The following ANXA4 variants were observed in gnomAD, a reference collection of about 807,000 sequenced individuals.
ANXA4 encodes annexin A4, also known as 35-beta calcimedin.
In ANXA4, 39 loss-of-function variants were observed where a neutral mutation model predicts 49.8. The observed-to-expected ratio is 0.78, with a 90% CI of 0.61 to 1.02. ANXA4 has a LOEUF of 1.02. ANXA4 is among the 50% of genes least tolerant of loss of function. ANXA4 has a pLI of 0.00. For synonymous variants in ANXA4, 134 were observed against 152.5 expected, an observed-to-expected ratio of 0.88 and a Z score of 0.89; for missense variants, 360 against 410.1, an observed-to-expected ratio of 0.88 and a Z score of 1.05.
intron 2 of ANXA4, among the ~76,000 whole-genome samples, chr2:69,784,700 A>G (rs533907048): frequency 4.7e-4 from 72 of 152,352 alleles, no homozygotes; most frequent in Non-Finnish European, 6.9e-4. Flanking sequence ...GAGGCCAGAA[A>G]TCCAAAGCAA....
chr2:69,746,913 A>T (rs1045451036), intron 1 of ANXA4, among the ~76,000 whole-genome samples: 1 of 152,056 alleles, frequency 6.6e-6, no homozygotes, highest in East Asian at 1.9e-4. Flanking sequence ...TGGGAGGATC[A>T]CTGGAGCCCA....
chr2:69,697,834 A>T (rs1446785189), intron 2 of ANXA4, among the ~76,000 whole-genome samples: 2 of 152,032 alleles, frequency 1.3e-5, no homozygotes, highest in Admixed American at 1.3e-4. Flanking sequence ...AACATCAAAG[A>T]TACCTGGGGC....
rs1670029236 is a variant in ANXA4 at position 69,728,903 on chromosome 2, TTGA to T, written n.864+8036_864+8038del. Among the ~76,000 whole-genome samples, 3 of 152,240 alleles carry T rather than the reference TTGA, an allele frequency of 2.0e-5. No individual in the cohort carries two copies. In the South Asian group the frequency reaches 6.2e-4, roughly 32 times the overall value. On this transcript the variant is annotated intron_variant and non_coding_transcript_variant, in intron 3 of 3. Coordinates refer to the ANXA4 transcript ENST00000418066. ...GTTTCTATATACATACCTCAAACTC[TTGA>T]TGAGATTTTTTGGCTCATTTGAATT... is the stretch of plus-strand genomic sequence containing the variant.
At chr2:69,765,232 A>G (rs1671450985) in intron 1 of ANXA4, among the ~76,000 whole-genome samples, 1 of 152,132 alleles carries the variant, frequency 6.6e-6, no homozygotes. Flanking sequence ...TCTTTTGGGT[A>G]TATGTATACC....
intron 1 of ANXA4, among the ~76,000 whole-genome samples, chr2:69,749,097 T>C (rs1460476665): frequency 6.6e-6 from 1 of 152,176 alleles, no homozygotes; most frequent in African/African-American, 2.4e-5. Flanking sequence ...GGAATTCAGC[T>C]GGCTCGAAGA....
At chr2:69,723,833 C>A (rs901789202) in intron 3 of ANXA4, among the ~76,000 whole-genome samples, 7 of 152,174 alleles carry the variant, frequency 4.6e-5, no homozygotes, top group Admixed American at 4.6e-4. Flanking sequence ...TACAGGCATG[C>A]ACCACCCACT....
At chr2:69,657,450 A>G (rs1676547597) in intron 2 of ANXA4, among the ~76,000 whole-genome samples, 1 of 148,722 alleles carries the variant, frequency 6.7e-6, no homozygotes, top group Admixed American at 6.6e-5. Context: ...TTTTTAATGT[A>G]CGCAATGGAG....
chr2:69,780,531 T>C (rs1672152622), intron 1 of ANXA4, among the ~76,000 whole-genome samples: 1 of 152,200 alleles, frequency 6.6e-6, no homozygotes, highest in Non-Finnish European at 1.5e-5. Context: ...CAGGAATGCA[T>C]GTACTCCTGG....
intron 1 of ANXA4, among the ~76,000 whole-genome samples, chr2:69,772,642 A>T (rs1459975644): frequency 6.6e-6 from 1 of 152,212 alleles, no homozygotes; most frequent in Non-Finnish European, 1.5e-5. Flanking sequence ...GCATTTGTGT[A>T]GACTGACTTT....
At chr2:69,772,356 T>C (rs1671757017) in intron 1 of ANXA4, among the ~76,000 whole-genome samples, 2 of 152,196 alleles carry the variant, frequency 1.3e-5, no homozygotes, top group African/African-American at 4.8e-5. Flanking sequence ...GAAGGTGAGA[T>C]AGCAAAGAAT....
At chr2:69,690,834 C>T (rs908597829) in intron 2 of ANXA4, among the ~76,000 whole-genome samples, 5 of 152,168 alleles carry the variant, frequency 3.3e-5, no homozygotes, top group Admixed American at 6.5e-5. Flanking sequence ...AGGGCATCAC[C>T]GGTTGCTCTA....
chr2:69,768,694 G>T (rs577919511), intron 1 of ANXA4, among the ~76,000 whole-genome samples: 1 of 152,196 alleles, frequency 6.6e-6, no homozygotes, highest in Non-Finnish European at 1.5e-5. Context: ...TCCCATGATA[G>T]AAATAATCAG....
Position 69,826,239 on chromosome 2 carries a change from C to T in ANXA4, c.*724C>T, listed in dbSNP as rs1674466909. On this transcript the variant is annotated 3_prime_UTR_variant, in exon 13 of 13. Transcript: ENST00000394295. ...TATTATTATAGTTAATGTCTTAATC[C>T]AGCTTGCAAGTGAATGGAAAAAAAA... 6.6e-6 allele frequency: 1 copy of T among 152,422 alleles called. No homozygotes were observed. The highest frequency in any genetic ancestry group is 1.5e-5 in the Non-Finnish European group (1 of 68,020). 9.4% of individuals were successfully genotyped at this position (152,422 alleles called of 1,614,324 possible).
Position 69,812,653 on chromosome 2 carries a change from G to C in ANXA4, c.478G>C (p.Gly160Arg), listed in dbSNP as rs1224000600. The C allele has an allele frequency of 6.2e-7, 1 of 1,613,294 alleles. No individual in the cohort carries two copies. The highest frequency in any genetic ancestry group is 1.1e-5 in the South Asian group (1 of 91,048). Residue 160 changes from glycine to arginine, a missense_variant and splice_region_variant, in exon 8 of 13, where the codon GGT becomes CGT. Physicochemically the swap from Gly to Arg is moderately radical, Grantham distance 125 (BLOSUM62 -2). Coordinates refer to ENST00000394295, the MANE Select transcript of ANXA4 (RefSeq NM_001153.5). ...FQRVLVSLSA[G>R]GRDEGNYLDD... is the part of the protein sequence containing the mutation. ...TTTTATTTGTTTTTCTCATCCTCAG[G>C]GTGGGAGGGATGAAGGAAATTATCT...
intron 3 of ANXA4, among the ~76,000 whole-genome samples, chr2:69,790,065 A>G (rs1471139019): frequency 6.6e-6 from 1 of 152,124 alleles, no homozygotes; most frequent in Non-Finnish European, 1.5e-5. Flanking sequence ...TTACAGCCTG[A>G]ACTTTCAGGC....
intron 2 of ANXA4, among the ~76,000 whole-genome samples, chr2:69,700,637 G>T (rs1236786811): frequency 1.3e-5 from 2 of 152,174 alleles, no homozygotes; most frequent in Non-Finnish European, 2.9e-5. Context: ...TGCCTTGATT[G>T]CATAGTCATA....
At chr2:69,786,082 A>G (rs1672402278) in intron 2 of ANXA4, among the ~76,000 whole-genome samples, 1 of 152,200 alleles carries the variant, frequency 6.6e-6, no homozygotes, top group Non-Finnish European at 1.5e-5. Context: ...CCACTTGGAT[A>G]TTTAATGGAC....
intron 2 of ANXA4, among the ~76,000 whole-genome samples, chr2:69,664,822 G>A (rs1026466909): frequency 6.6e-6 from 1 of 152,186 alleles, no homozygotes; most frequent in Non-Finnish European, 1.5e-5. Context: ...TGCTATGTTG[G>A]CCAGGCGCAG....
At chr2:69,743,574 G>A (rs1670492665) in intron 1 of ANXA4, among the ~76,000 whole-genome samples, 1 of 152,192 alleles carries the variant, frequency 6.6e-6, no homozygotes, top group African/African-American at 2.4e-5. Context: ...GGAAGAGCAA[G>A]TAGGAGAGGA....
Sources: gnomAD v4.1 joint callset for allele counts (sites outside exome capture counted in the v4.1 genomes callset) on GRCh38, gnomAD v4.1.1 for gene constraint, MANE v1.5 for transcripts, NCBI Gene and HGNC (gene_info 2026-07-23, HGNC 2026-07-21) for gene names.